Variants in SPAG16 observed in about 807,000 individuals in gnomAD.
SPAG16 encodes sperm-associated antigen 16 protein.
A neutral mutation model predicts 80.4 loss-of-function variants in SPAG16; 86 were observed. That is an observed-to-expected ratio of 1.07 (90% CI 0.90 to 1.28). The LOEUF (loss-of-function observed/expected upper bound fraction) is 1.28. Among genes scored for constraint, SPAG16 ranks in the 50% most tolerant of loss-of-function variants. The pLI is 0.00. For synonymous variants in SPAG16, 294 were observed against 265.9 expected (o/e 1.11, Z -1.03); for missense variants, 870 against 765.3 (o/e 1.14, Z -1.61).
chr2:213,779,337 T>C lies in SPAG16; in HGVS notation c.1071-83148T>C, dbSNP rs555469730. On this transcript the variant is annotated intron_variant, in intron 10 of 15. Coordinates refer to ENST00000331683, the MANE Select transcript of SPAG16 (RefSeq NM_024532.5). ...ATTTTTAGATCTGTAATATTTAATA[T>C]GGCTTAAGCTGCAAATTAGAGTAAC... Among the ~76,000 whole-genome samples the C allele has an allele frequency of 1.6e-4, 25 of 152,320 alleles. 1 individual carries two copies. Among genetic ancestry groups the C allele is most frequent in the African/African-American group, 5.5e-4 (23 of 41,578 alleles).
chr2:213,328,328 T>G (rs2063930667), intron 5 of SPAG16, among the ~76,000 whole-genome samples: 2 of 151,856 alleles, frequency 1.3e-5, no homozygotes. Flanking sequence ...TCATTATTCT[T>G]TTTGCAAATT....
In SPAG16 at chr2:213,724,092, A is replaced by T. The variant is rs147981517; in HGVS notation, c.1071-138393A>T. Among the ~76,000 whole-genome samples the T allele has an allele frequency of 9.4e-3, 1,430 of 152,328 alleles. 14 individuals carry two copies. Among genetic ancestry groups the T allele is most frequent in the South Asian group, 0.052 (253 of 4,824 alleles). On this transcript the variant is annotated intron_variant, in intron 10 of 15. Coordinates refer to ENST00000331683, the MANE Select transcript of SPAG16 (RefSeq NM_024532.5). ...GGGAAGTGTAGGAGTGAAAACAGAC[A>T]TAGGTCTGCTTCTAGCATTAAGCCA...
intron 11 of SPAG16, among the ~76,000 whole-genome samples, chr2:213,892,783 A>G (rs1171849223): frequency 6.6e-6 from 1 of 152,152 alleles, no homozygotes; most frequent in African/African-American, 2.4e-5. Context: ...AAAGACCAAA[A>G]AAGATCACCT....
intron 15 of SPAG16, among the ~76,000 whole-genome samples, chr2:214,228,564 A>T (rs1042358644): frequency 6.6e-6 from 1 of 151,850 alleles, no homozygotes; most frequent in Non-Finnish European, 1.5e-5. Flanking sequence ...ATAACAGTAG[A>T]CTATATCAAT....
rs188045811 is a variant in SPAG16 at position 213,435,906 on chromosome 2, A to G, written c.943-54057A>G. Among the ~76,000 whole-genome samples, 176 of 152,208 alleles carry G rather than the reference A, an allele frequency of 1.2e-3. 1 individual carries two copies. The highest frequency in any genetic ancestry group is 2.2e-3 in the Non-Finnish European group (149 of 67,988). On this transcript the variant is annotated intron_variant, in intron 9 of 15. Transcript: ENST00000331683. ...CTACTTGCTATCTATATAATTTTGG[A>G]CAGTTAACTTAAGCCTGGTCTTTGG...
chr2:213,878,338 A>G (rs1424319211), intron 11 of SPAG16, among the ~76,000 whole-genome samples: 3 of 152,028 alleles, frequency 2.0e-5, no homozygotes, highest in South Asian at 4.1e-4. Context: ...CATTGCCAAT[A>G]TTTATTTTTT....
intron 12 of SPAG16, among the ~76,000 whole-genome samples, chr2:213,995,052 C>T (rs1372397053): frequency 6.6e-6 from 1 of 152,044 alleles, no homozygotes; most frequent in South Asian, 2.1e-4. Flanking sequence ...GGAATGGGCT[C>T]AAGAGAAATG....
At chr2:213,462,411 G>A (rs1200395980) in intron 9 of SPAG16, among the ~76,000 whole-genome samples, 3 of 152,296 alleles carry the variant, frequency 2.0e-5, no homozygotes, top group South Asian at 4.1e-4. Flanking sequence ...TGAGGTGTTG[G>A]ACACAAAATA....
chr2:213,722,999 G>C (rs931824346), intron 10 of SPAG16, among the ~76,000 whole-genome samples: 1 of 152,082 alleles, frequency 6.6e-6, no homozygotes, highest in Non-Finnish European at 1.5e-5. Context: ...CCAAAATGTT[G>C]GGGATTAAGT....
chr2:213,861,889 G>A (rs10170343), intron 10 of SPAG16, among the ~76,000 whole-genome samples: 52,312 of 151,888 alleles, frequency 0.34, 9,455 homozygotes, highest in South Asian at 0.47. Flanking sequence ...ATTCATTACT[G>A]TAATTTGTGT....
intron 10 of SPAG16, among the ~76,000 whole-genome samples, chr2:213,777,237 ATT>A (rs59548915): frequency 1.7e-3 from 138 of 82,718 alleles, no homozygotes; most frequent in South Asian, 5.0e-3. Flanking sequence ...GTTTGTAGGA[ATT>A]TTTTTTTTTT....
chr2:214,234,630 C>T (rs1180318572), intron 15 of SPAG16, among the ~76,000 whole-genome samples: 1 of 152,110 alleles, frequency 6.6e-6, no homozygotes, highest in Non-Finnish European at 1.5e-5. Flanking sequence ...TTGCATTTCT[C>T]TAATCATCAG....
intron 11 of SPAG16, among the ~76,000 whole-genome samples, chr2:213,870,798 C>T (rs1446994064): frequency 6.6e-6 from 1 of 152,112 alleles, no homozygotes; most frequent in African/African-American, 2.4e-5. Context: ...GTCTATTGGC[C>T]TGTCTCTCTT....
chr2:213,962,288 G>A (rs2044479213), intron 12 of SPAG16, among the ~76,000 whole-genome samples: 1 of 151,564 alleles, frequency 6.6e-6, no homozygotes, highest in Admixed American at 6.6e-5. Flanking sequence ...CGCCTCCTGG[G>A]TTCACGCCAT....
intron 10 of SPAG16, among the ~76,000 whole-genome samples, chr2:213,577,082 C>A (rs1168256868): frequency 6.6e-6 from 1 of 151,992 alleles, no homozygotes; most frequent in African/African-American, 2.4e-5. Context: ...TAAAAACAAC[C>A]CACAAAATTT....
At chr2:213,940,097 C>T (rs2079137461) in intron 12 of SPAG16, among the ~76,000 whole-genome samples, 2 of 151,928 alleles carry the variant, frequency 1.3e-5, no homozygotes, top group South Asian at 4.2e-4. Context: ...TGAAAAGGTA[C>T]AAAATTTTAA....
chr2:213,884,227 C>T (rs2076466527), intron 11 of SPAG16, among the ~76,000 whole-genome samples: 1 of 151,254 alleles, frequency 6.6e-6, no homozygotes, highest in Admixed American at 6.6e-5. Context: ...TCAGAGTTTG[C>T]TTGTCTGAGA....
chr2:213,592,348 T>C (rs1480866850), intron 10 of SPAG16, among the ~76,000 whole-genome samples: 2 of 151,818 alleles, frequency 1.3e-5, no homozygotes, highest in African/African-American at 4.8e-5. Flanking sequence ...ATATCTGTCT[T>C]GTATTTTAGA....
chr2:213,721,933 T>C (rs780276063), intron 10 of SPAG16, among the ~76,000 whole-genome samples: 26 of 152,322 alleles, frequency 1.7e-4, no homozygotes, highest in Admixed American at 3.9e-4. Context: ...CCGACAATCA[T>C]ATTACAAGTG....
Sources: gnomAD v4.1 joint callset for allele counts (sites outside exome capture counted in the v4.1 genomes callset) on GRCh38, gnomAD v4.1.1 for gene constraint, MANE v1.5 for transcripts, NCBI Gene and HGNC (gene_info 2026-07-23, HGNC 2026-07-21) for gene names.